Variants in DLG2 observed in about 807,000 individuals in gnomAD.
DLG2 encodes the protein discs large MAGUK scaffold protein 2.
DLG2 carries 45 observed loss-of-function variants against 132.5 expected under a neutral mutation model. The observed-to-expected ratio is 0.34, with a 90% CI of 0.27 to 0.44. The LOEUF is 0.44. Among genes scored for constraint, DLG2 ranks in the 20% least tolerant of loss-of-function variants. The probability of loss-of-function intolerance (pLI) is 1.00; values close to 1 mark genes in which losing one functional copy is unlikely to be tolerated. For synonymous variants in DLG2, 424 were observed against 419.6 expected (o/e 1.01, Z -0.13); for missense variants, 1,045 against 1,196.9 (o/e 0.87, Z 1.87).
chr11:83,932,456 G>C (rs1370856490), intron 14 of DLG2, among the ~76,000 whole-genome samples: 2 of 151,914 alleles, frequency 1.3e-5, no homozygotes, highest in Admixed American at 6.6e-5. Flanking sequence ...GGATGGTCTT[G>C]ATCTCCTGAC....
chr11:84,167,468 G>A, intron 8 of DLG2, among the ~76,000 whole-genome samples: 1 of 151,952 alleles, frequency 6.6e-6, no homozygotes, highest in East Asian at 1.9e-4. Flanking sequence ...TCACCTGCCT[G>A]GATGATGATA....
intron 9 of DLG2, among the ~76,000 whole-genome samples, chr11:84,116,106 G>T (rs2093621536): frequency 6.6e-6 from 1 of 152,178 alleles, no homozygotes; most frequent in Non-Finnish European, 1.5e-5. Context: ...TTAATCCGCA[G>T]TGCAAGAGCA....
chr11:85,089,613 T>C (rs916478192), intron 6 of DLG2, among the ~76,000 whole-genome samples: 1 of 152,146 alleles, frequency 6.6e-6, no homozygotes, highest in Non-Finnish European at 1.5e-5. Context: ...GTCTTTTTGG[T>C]AGAGCAATTT....
chr11:83,554,400 T>C (rs2096470392), intron 19 of DLG2, among the ~76,000 whole-genome samples: 1 of 152,206 alleles, frequency 6.6e-6, no homozygotes, highest in South Asian at 2.1e-4. Flanking sequence ...TGTTTCCTAC[T>C]CTGTAAATTA....
chr11:84,203,136 A>G (rs1354054115), intron 8 of DLG2, among the ~76,000 whole-genome samples: 1 of 151,450 alleles, frequency 6.6e-6, no homozygotes, highest in African/African-American at 2.4e-5. Flanking sequence ...GAAATATAAA[A>G]AATTCTATGA....
At chr11:85,323,242 A>T (rs888884768) in intron 3 of DLG2, among the ~76,000 whole-genome samples, 1 of 152,310 alleles carries the variant, frequency 6.6e-6, no homozygotes, top group Admixed American at 6.5e-5. Flanking sequence ...CTCCTAAAAT[A>T]TTGTCAGCTG....
chr11:85,427,938 C>A lies in DLG2; in HGVS notation c.41-142573G>T, dbSNP rs528913021. Among the ~76,000 whole-genome samples the A allele has an allele frequency of 1.6e-4, 24 of 152,040 alleles. No homozygotes were observed. The East Asian group carries it at 4.4e-3, about 28-fold the overall frequency. Reference sequence around the variant, plus strand: ...AATAAAGGGATGGAGGAAGATCTACCAAGGAAATGGAAAACAAAAAAAGGC... The same window carrying A: ...AATAAAGGGATGGAGGAAGATCTACAAAGGAAATGGAAAACAAAAAAAGGC... On this transcript the variant is annotated intron_variant, in intron 3 of 27. Transcript: ENST00000376104.
At chr11:85,209,445 C>CTTTTTTTTTTTTT (rs1164394816) in intron 4 of DLG2, among the ~76,000 whole-genome samples, 2 of 74,434 alleles carry the variant, frequency 2.7e-5, no homozygotes, top group Non-Finnish European at 4.7e-5. Flanking sequence ...AGAAATCAGT[C>CTTTTTTTTTTTTT]TTTTTTTTTT....
At chr11:85,058,020 A>G (rs188569927) in intron 6 of DLG2, among the ~76,000 whole-genome samples, 9 of 151,584 alleles carry the variant, frequency 5.9e-5, no homozygotes, top group African/African-American at 1.7e-4. Context: ...TTAGAATGCC[A>G]GCTATCATCA....
At chr11:84,855,612 C>G (rs565051643) in intron 6 of DLG2, among the ~76,000 whole-genome samples, 5 of 152,120 alleles carry the variant, frequency 3.3e-5, no homozygotes, top group Admixed American at 3.3e-4. Flanking sequence ...GGTGGTCACT[C>G]CTTGCTAGCT....
intron 7 of DLG2, among the ~76,000 whole-genome samples, chr11:84,476,650 T>C (rs891101714): frequency 1.3e-5 from 2 of 152,216 alleles, no homozygotes; most frequent in Admixed American, 1.3e-4. Flanking sequence ...TGGATATGAA[T>C]TCTGTTTGGC....
intron 7 of DLG2, among the ~76,000 whole-genome samples, chr11:84,276,773 T>C (rs942454215): frequency 2.0e-5 from 3 of 152,210 alleles, no homozygotes; most frequent in African/African-American, 7.2e-5. Flanking sequence ...TACCATACGT[T>C]GAGTGCTTTC....
At chr11:84,688,888 C>T (rs2057683935) in intron 6 of DLG2, among the ~76,000 whole-genome samples, 1 of 152,150 alleles carries the variant, frequency 6.6e-6, no homozygotes, top group African/African-American at 2.4e-5. Context: ...GCAAAAGTGA[C>T]AGTTTATTTT....
In DLG2 at chr11:85,277,395, C is replaced by T. The variant is rs75552668; in HGVS notation, c.186+7825G>A. 4.7e-3 allele frequency among the ~76,000 whole-genome samples: 718 copies of T among 152,208 alleles called. 10 individuals are homozygous for T. The highest frequency in any genetic ancestry group is 0.017 in the African/African-American group (687 of 41,550). On this transcript the variant is annotated intron_variant, in intron 4 of 27. Transcript: ENST00000376104. ...GACATTTTACAGTTAAATATCTTTG[C>T]ATCATCCAAGTAATATTTCTTTGAG...
intron 3 of DLG2, among the ~76,000 whole-genome samples, chr11:85,290,161 T>C (rs917149104): frequency 4.6e-5 from 7 of 152,174 alleles, no homozygotes; most frequent in African/African-American, 1.7e-4. Context: ...AAATCCCTTC[T>C]CACTCAGGAC....
At chr11:84,163,353 C>G in intron 9 of DLG2, 108 bp downstream of exon 9, 1 of 1,021,924 alleles carries the variant, frequency 9.8e-7, no homozygotes, top group Non-Finnish European at 1.4e-6. Flanking sequence ...TGGGAAACTT[C>G]CAGGTTATAA....
At chr11:85,133,044 T>A (rs2075853807) in intron 5 of DLG2, 1 of 346,686 alleles carries the variant, frequency 2.9e-6, no homozygotes. Context: ...GGTGGCTTCC[T>A]GGGCTCCGTG....
chr11:84,356,885 G>C (rs892906018), intron 7 of DLG2, among the ~76,000 whole-genome samples: 6 of 152,038 alleles, frequency 3.9e-5, no homozygotes. Context: ...AATGAGTCAT[G>C]TGAATATTTG....
At chr11:85,324,015 G>A (rs2081266980) in intron 3 of DLG2, among the ~76,000 whole-genome samples, 1 of 152,150 alleles carries the variant, frequency 6.6e-6, no homozygotes, top group East Asian at 1.9e-4. Flanking sequence ...AGACTGGTGG[G>A]GAGTGAACAT....
Sources: gnomAD v4.1 joint callset for allele counts (sites outside exome capture counted in the v4.1 genomes callset) on GRCh38, gnomAD v4.1.1 for gene constraint, MANE v1.5 for transcripts, NCBI Gene and HGNC (gene_info 2026-07-23, HGNC 2026-07-21) for gene names.